SC5D: variants seen among roughly 807,000 people sequenced by gnomAD.
SC5D encodes sterol-C5-desaturase.
In SC5D, 21 loss-of-function variants were observed where a neutral mutation model predicts 23.9. The observed-to-expected ratio is 0.88, with a 90% CI of 0.62 to 1.26. The LOEUF (loss-of-function observed/expected upper bound fraction) is 1.26. Ranked by LOEUF, SC5D falls within the 50% of genes most tolerant of loss-of-function variation. The pLI is 0.00. For synonymous variants in SC5D, 113 were observed against 125.9 expected, an observed-to-expected ratio of 0.90 and a Z score of 0.68; for missense variants, 309 against 364.8, an observed-to-expected ratio of 0.85 and a Z score of 1.25.
rs961439438 is a variant in SC5D at position 121,313,091 on chromosome 11, T to C, written c.*5579T>C. Among the ~76,000 whole-genome samples the C allele has an allele frequency of 1.3e-5, 2 of 152,210 alleles. No homozygotes were observed. The highest frequency in any genetic ancestry group is 4.8e-5 in the African/African-American group (2 of 41,464). On this transcript the variant is annotated 3_prime_UTR_variant, in exon 5 of 5. Coordinates refer to ENST00000264027, the MANE Select transcript of SC5D (RefSeq NM_006918.5). ...GAACATTTTCTTACCAGAATAAATT[T>C]CCTCTCCGTTTGCAGTCATTCTCCC...
chr11:121,300,496 A>G (rs1027124049), intron 1 of SC5D, among the ~76,000 whole-genome samples: 3 of 152,216 alleles, frequency 2.0e-5, no homozygotes, highest in Non-Finnish European at 2.9e-5. Flanking sequence ...AGCTTGTTCA[A>G]TATCATCCTG....
At chr11:121,300,230 T>C (rs1591502672) in intron 1 of SC5D, among the ~76,000 whole-genome samples, 1 of 152,242 alleles carries the variant, frequency 6.6e-6, no homozygotes, top group East Asian at 1.9e-4. Context: ...TAGCAGCCTT[T>C]ATTTGAGAAA....
At chr11:121,293,561 A>T (rs1434158474) in intron 1 of SC5D, among the ~76,000 whole-genome samples, 3 of 152,242 alleles carry the variant, frequency 2.0e-5, no homozygotes, top group Non-Finnish European at 4.4e-5. Flanking sequence ...TCCCTGTGTT[A>T]CAGCAGAGTA....
At chr11:121,293,286 C>T (rs903468915) in intron 1 of SC5D, among the ~76,000 whole-genome samples, 1 of 152,212 alleles carries the variant, frequency 6.6e-6, no homozygotes, top group Admixed American at 6.5e-5. Flanking sequence ...TGTTGCAGAT[C>T]TCTTACTCAA....
In SC5D at chr11:121,307,610, A is replaced by G. The variant is rs1947977635; in HGVS notation, c.*98A>G. On this transcript the variant is annotated 3_prime_UTR_variant, in exon 5 of 5. Transcript: ENST00000264027. ...AAAATAATATCCATACAGTCAAGAT[A>G]CATAGTAAATGGTATCATTTGGAAA... is the stretch of plus-strand genomic sequence containing the variant. 1 of 791,948 alleles carries G rather than the reference A, an allele frequency of 1.3e-6. No homozygotes were observed. Among genetic ancestry groups the G allele is most frequent in the African/African-American group, 1.7e-5 (1 of 57,418 alleles). 49.1% of individuals were successfully genotyped at this position (791,948 alleles called of 1,614,324 possible).
rs1312339895 is a variant in SC5D, at chr11:121,303,407, A to T, written c.32A>T (p.Tyr11Phe). MDLVLRVADY[Y>F]FFTPYVYPAT... ...CTTGTACTCCGTGTTGCAGATTACT[A>T]TTTTTTTACACCATACGTGTATCCA... The change falls in exon 2 of 5, where the codon TAT becomes TTT. Residue 11 changes from tyrosine (Y) to phenylalanine (F), a missense_variant. By Grantham distance (22) the Tyr-to-Phe change is conservative. Transcript: ENST00000264027. 1.9e-6 allele frequency: 3 copies of T among 1,613,836 alleles called. No homozygotes were observed. The highest frequency in any genetic ancestry group is 2.5e-6 in the Non-Finnish European group (3 of 1,179,912).
At chr11:121,294,426 T>G (rs557856961) in intron 1 of SC5D, among the ~76,000 whole-genome samples, 7 of 152,292 alleles carry the variant, frequency 4.6e-5, no homozygotes, top group African/African-American at 1.7e-4. Flanking sequence ...TATTTACTCT[T>G]ATGACCCTAT....
chr11:121,306,832 A>G (rs1204847872), intron 4 of SC5D: 7 of 633,598 alleles, frequency 1.1e-5, no homozygotes, highest in Non-Finnish European at 2.0e-5. Flanking sequence ...TAAAAGCCAG[A>G]CTTCACCACT....
In SC5D at chr11:121,313,366, C is replaced by G. The variant is rs1292602347; in HGVS notation, c.*5854C>G. 6.6e-6 allele frequency among the ~76,000 whole-genome samples: 1 copy of G among 151,704 alleles called. No individual in the cohort carries two copies. The highest frequency in any genetic ancestry group is 1.5e-5 in the Non-Finnish European group (1 of 67,938). ...TGATGAATATTTGTGTTATTTCCAG[C>G]GTGGGATTATTATGAATAAAGTTGC... On this transcript the variant is annotated 3_prime_UTR_variant, in exon 5 of 5. Coordinates refer to ENST00000264027, the MANE Select transcript of SC5D (RefSeq NM_006918.5).
At chr11:121,302,526 A>G (rs1947932924) in intron 1 of SC5D, among the ~76,000 whole-genome samples, 1 of 152,194 alleles carries the variant, frequency 6.6e-6, no homozygotes, top group African/African-American at 2.4e-5. Flanking sequence ...AGCATCTGAA[A>G]CAGGAGTTGG....
Position 121,310,093 on chromosome 11 carries a change from G to GT in SC5D, c.*2587dup, listed in dbSNP as rs1207716365. Among the ~76,000 whole-genome samples the GT allele has an allele frequency of 6.6e-6, 1 of 152,162 alleles. No homozygotes were observed. The highest frequency in any genetic ancestry group is 1.5e-5 in the Non-Finnish European group (1 of 68,028). On this transcript the variant is annotated 3_prime_UTR_variant, in exon 5 of 5. Coordinates refer to ENST00000264027, the MANE Select transcript of SC5D (RefSeq NM_006918.5). Reference sequence around the variant, plus strand: ...TTTGGAAGAGAATTACACAAGTTCAGTTTTTTGATACATGGATTTTACAGT... The same window carrying GT: ...TTTGGAAGAGAATTACACAAGTTCAGTTTTTTTGATACATGGATTTTACAGT...
intron 1 of SC5D, among the ~76,000 whole-genome samples, chr11:121,298,155 C>T (rs1031977136): frequency 3.3e-5 from 5 of 151,210 alleles, no homozygotes; most frequent in East Asian, 1.9e-4. Context: ...CTGTGCACCA[C>T]GCCCGGCTAA....
At chr11:121,304,233 T>C (rs1354833863) in intron 2 of SC5D, 128 bp from the exon 3 acceptor site, 1 of 761,974 alleles carries the variant, frequency 1.3e-6, no homozygotes, top group Non-Finnish European at 2.2e-6. Flanking sequence ...AAAATTTTAA[T>C]AGAAACAGTT....
chr11:121,312,736 A>G lies in SC5D; in HGVS notation c.*5224A>G, dbSNP rs76249891. Among the ~76,000 whole-genome samples the G allele has an allele frequency of 0.029, 4,428 of 152,056 alleles. 194 individuals carry two copies. The highest frequency in any genetic ancestry group is 0.1 in the African/African-American group (4,213 of 41,504). ...ACGCTGGGTGACAGAGCAAGACCCT[A>G]TCTCTAAAAATAAAAAAGTATATAT... is the stretch of plus-strand genomic sequence containing the variant. On this transcript the variant is annotated 3_prime_UTR_variant, in exon 5 of 5. Transcript: ENST00000264027.
intron 3 of SC5D, chr11:121,305,065 T>C (rs1437994014): frequency 1.3e-5 from 2 of 153,486 alleles, no homozygotes; most frequent in African/African-American, 4.8e-5. Context: ...CGGATATTCA[T>C]AAGTTATGTA....
intron 2 of SC5D, chr11:121,303,925 A>G (rs1947943597): frequency 3.8e-6 from 1 of 266,536 alleles, no homozygotes; most frequent in Admixed American, 5.1e-5. Flanking sequence ...TTTTTTTACC[A>G]TGTTTTGTTT....
At chr11:121,301,731 T>C (rs1947927535) in intron 1 of SC5D, among the ~76,000 whole-genome samples, 3 of 152,204 alleles carry the variant, frequency 2.0e-5, no homozygotes, top group African/African-American at 7.2e-5. Flanking sequence ...TCATATACTT[T>C]AGTGAATTTT....
intron 1 of SC5D, among the ~76,000 whole-genome samples, chr11:121,295,328 G>A (rs868043543): frequency 1.3e-5 from 2 of 152,186 alleles, no homozygotes; most frequent in Admixed American, 6.5e-5. Context: ...CTGGTAAGGC[G>A]GGACAACTCA....
intron 3 of SC5D, 152 bp from the exon 4 acceptor site, chr11:121,306,234 G>C (rs1947962963): frequency 3.1e-6 from 2 of 645,404 alleles, no homozygotes. Context: ...AGCCAAGAGA[G>C]ATTAGTTTAT....
Sources: allele counts gnomAD v4.1 joint callset (sites outside exome capture counted in the v4.1 genomes callset), GRCh38; gene constraint gnomAD v4.1.1; transcripts MANE v1.5; gene names NCBI Gene and HGNC (gene_info 2026-07-23, HGNC 2026-07-21).